EYA2: variants seen among roughly 807,000 people sequenced by gnomAD.
EYA2 encodes protein phosphatase EYA2.
Under a neutral mutation model 69.2 loss-of-function variants are expected in EYA2, and 31 were observed. The ratio of observed to expected loss-of-function variants is 0.45; its 90% CI spans 0.34 to 0.60. The LOEUF (loss-of-function observed/expected upper bound fraction) is 0.60. Among genes scored for constraint, EYA2 ranks in the 20% least tolerant of loss-of-function variants. The probability of loss-of-function intolerance (pLI) is 0.02; values close to 1 mark genes in which losing one functional copy is unlikely to be tolerated. For synonymous variants in EYA2, 257 were observed against 279.4 expected, an observed-to-expected ratio of 0.92 and a Z score of 0.80; for missense variants, 622 against 701.2, an observed-to-expected ratio of 0.89 and a Z score of 1.28.
intron 2 of EYA2, 139 bp from the exon 3 acceptor site, chr20:47,001,289 A>G (rs1403322194): frequency 2.7e-6 from 2 of 738,768 alleles, no homozygotes; most frequent in South Asian, 1.5e-5. Flanking sequence ...GGCGCCTCAG[A>G]TAAGCATCTG....
At chr20:46,986,360 ATATAT>A (rs553507068) in intron 1 of EYA2, among the ~76,000 whole-genome samples, 2,656 of 32,820 alleles carry the variant, frequency 0.081, 37 homozygotes, top group African/African-American at 0.12. Flanking sequence ...TACACATTAG[ATATAT>A]TATATATTAT....
chr20:46,964,909 A>G (rs1411537290), intron 1 of EYA2, among the ~76,000 whole-genome samples: 1 of 152,166 alleles, frequency 6.6e-6, no homozygotes. Flanking sequence ...TCTCGTGAGG[A>G]TTTAGTAAGG....
intron 4 of EYA2, among the ~76,000 whole-genome samples, chr20:47,005,297 A>G (rs1982639852): frequency 6.6e-6 from 1 of 152,198 alleles, no homozygotes. Context: ...TGGAAATTGA[A>G]CCCAAGCTGG....
intron 7 of EYA2, among the ~76,000 whole-genome samples, chr20:47,081,563 G>C (rs2031719703): frequency 6.6e-6 from 1 of 151,972 alleles, no homozygotes; most frequent in African/African-American, 2.4e-5. Flanking sequence ...TGGAGCACCT[G>C]AGGTCAGGAG....
intron 10 of EYA2, among the ~76,000 whole-genome samples, chr20:47,160,115 G>T (rs2034034553): frequency 6.6e-6 from 1 of 152,182 alleles, no homozygotes; most frequent in Non-Finnish European, 1.5e-5. Flanking sequence ...GACGTGATCT[G>T]ACTTAGGGTT....
chr20:47,135,942 A>G (rs2033463653), intron 9 of EYA2, among the ~76,000 whole-genome samples: 2 of 151,330 alleles, frequency 1.3e-5, no homozygotes, highest in Admixed American at 1.3e-4. Flanking sequence ...GTGAGGATCA[A>G]GAAGATCAAG....
intron 11 of EYA2, among the ~76,000 whole-genome samples, chr20:47,171,408 G>T (rs1483821698): frequency 6.6e-6 from 1 of 151,964 alleles, no homozygotes; most frequent in Non-Finnish European, 1.5e-5. Flanking sequence ...GTTTTGTTTT[G>T]TTTTGTTTTT....
chr20:46,977,025 C>A (rs78646587), intron 1 of EYA2, among the ~76,000 whole-genome samples: 3,758 of 152,288 alleles, frequency 0.025, 141 homozygotes, highest in African/African-American at 0.085. Flanking sequence ...AACTAGATTT[C>A]TGTGTCATGG....
At chr20:47,160,142 G>T (rs534202992) in intron 10 of EYA2, among the ~76,000 whole-genome samples, 1 of 152,192 alleles carries the variant, frequency 6.6e-6, no homozygotes, top group South Asian at 2.1e-4. Flanking sequence ...GATCCCTCTG[G>T]CTGCTGGCTG....
Position 46,995,672 on chromosome 20 carries a change from A to T in EYA2, c.109+5553A>T, listed in dbSNP as rs142082134. 2.6e-5 allele frequency among the ~76,000 whole-genome samples: 4 copies of T among 152,232 alleles called. No individual in the cohort carries two copies. In the East Asian group the frequency reaches 7.7e-4, roughly 29 times the overall value. ...ACAAATTGTCTCATCTCACTGGGGGATCCCTTAGAAGCCGGCCCCTGGGGT... is the reference window on the plus strand; with the variant it reads ...ACAAATTGTCTCATCTCACTGGGGGTTCCCTTAGAAGCCGGCCCCTGGGGT... On this transcript the variant is annotated intron_variant, in intron 2 of 15. Coordinates refer to ENST00000327619, the MANE Select transcript of EYA2 (RefSeq NM_005244.5).
In EYA2 at chr20:47,156,127, C is replaced by T. The variant is rs866986848; in HGVS notation, c.978+12979C>T. Among the ~76,000 whole-genome samples, 129 of 14,584 alleles carry T rather than the reference C, an allele frequency of 8.8e-3. 1 individual carries two copies. The highest frequency in any genetic ancestry group is 0.048 in the Middle Eastern group (2 of 42). 9.6% of individuals were successfully genotyped at this position (14,584 alleles called of 152,430 possible). On this transcript the variant is annotated intron_variant, in intron 10 of 15. Coordinates refer to ENST00000327619, the MANE Select transcript of EYA2 (RefSeq NM_005244.5). The stretch of plus-strand genomic sequence containing the variant: ...ACACACACACACACACACACACACA[C>T]ATATATATATATATATATATATATA...
intron 1 of EYA2, among the ~76,000 whole-genome samples, chr20:46,927,555 G>T (rs1207199455): frequency 6.6e-6 from 1 of 152,156 alleles, no homozygotes; most frequent in Non-Finnish European, 1.5e-5. Context: ...TTACATGGCG[G>T]CATGCAAGAG....
intron 1 of EYA2, among the ~76,000 whole-genome samples, chr20:46,930,569 G>T (rs1421144269): frequency 6.6e-6 from 1 of 152,104 alleles, no homozygotes; most frequent in Non-Finnish European, 1.5e-5. Context: ...GCTATAGAAA[G>T]CACCAGAAGA....
chr20:47,002,124 C>G (rs569167602), intron 3 of EYA2, among the ~76,000 whole-genome samples: 90 of 151,884 alleles, frequency 5.9e-4, no homozygotes, highest in African/African-American at 2.1e-3. Flanking sequence ...TTCCCTTCCT[C>G]TCTTCCCTCC....
At chr20:47,180,015 T>A in intron 13 of EYA2, 103 bp downstream of exon 13, 1 of 784,984 alleles carries the variant, frequency 1.3e-6, no homozygotes, top group Non-Finnish European at 2.1e-6. Flanking sequence ...CTCCTCAAAC[T>A]CTCACTTGTA....
chr20:46,978,034 G>T (rs574202693), intron 1 of EYA2, among the ~76,000 whole-genome samples: 1 of 152,174 alleles, frequency 6.6e-6, no homozygotes, highest in East Asian at 1.9e-4. Context: ...CTGCAGTCCC[G>T]CAGGCAAGGG....
At chr20:46,981,347 T>C (rs2146313394) in intron 1 of EYA2, among the ~76,000 whole-genome samples, 1 of 152,364 alleles carries the variant, frequency 6.6e-6, no homozygotes, top group East Asian at 1.9e-4. Flanking sequence ...CTATACTCTG[T>C]GGCTAATAGT....
chr20:47,110,460 C>T (rs1044022983), intron 9 of EYA2, among the ~76,000 whole-genome samples: 1 of 152,076 alleles, frequency 6.6e-6, no homozygotes, highest in Admixed American at 6.6e-5. Flanking sequence ...AGGCTGGTCT[C>T]GAACTCCTGG....
At chr20:47,037,549 GT>G (rs1984792807) in intron 5 of EYA2, among the ~76,000 whole-genome samples, 8 of 152,218 alleles carry the variant, frequency 5.3e-5, no homozygotes, top group Non-Finnish European at 1.0e-4. Context: ...GATGTCAGAA[GT>G]CTTACTGGGC....
Sources: gnomAD v4.1 joint callset for allele counts (sites outside exome capture counted in the v4.1 genomes callset) on GRCh38, gnomAD v4.1.1 for gene constraint, MANE v1.5 for transcripts, NCBI Gene and HGNC (gene_info 2026-07-23, HGNC 2026-07-21) for gene names.